CTNNA3: variants seen among roughly 807,000 people sequenced by gnomAD.
CTNNA3 encodes catenin alpha 3.
Under a neutral mutation model 95.7 loss-of-function variants are expected in CTNNA3, and 76 were observed. The ratio of observed to expected loss-of-function variants is 0.79; its 90% confidence interval spans 0.66 to 0.96. The LOEUF is 0.96. CTNNA3 is among the 40% of genes least tolerant of loss of function. The pLI, the probability that CTNNA3 is intolerant of heterozygous loss-of-function variation, is 0.00. For synonymous variants in CTNNA3, 431 were observed against 374.4 expected (o/e 1.15, Z -1.74); for missense variants, 1,191 against 1,089.8 (o/e 1.09, Z -1.31).
At chr10:67,587,863 G>T (rs78136384) in intron 3 of CTNNA3, among the ~76,000 whole-genome samples, 1 of 152,026 alleles carries the variant, frequency 6.6e-6, no homozygotes, top group Non-Finnish European at 1.5e-5. Context: ...GTTACTTTAT[G>T]TTGTGCCAAA....
intron 7 of CTNNA3, among the ~76,000 whole-genome samples, chr10:66,872,383 T>C (rs1844444005): frequency 6.6e-6 from 1 of 152,116 alleles, no homozygotes; most frequent in African/African-American, 2.4e-5. Flanking sequence ...AAAAAAATAA[T>C]TTTCGCTGGG....
intron 7 of CTNNA3, among the ~76,000 whole-genome samples, chr10:66,839,549 C>A (rs1032029205): frequency 2.6e-5 from 4 of 152,056 alleles, no homozygotes; most frequent in Non-Finnish European, 5.9e-5. Context: ...TTTATCTGTT[C>A]TATCTAGTCT....
chr10:67,447,512 A>G (rs745933641), intron 5 of CTNNA3, among the ~76,000 whole-genome samples: 1 of 152,126 alleles, frequency 6.6e-6, no homozygotes, highest in Non-Finnish European at 1.5e-5. Context: ...TTGTTCCTTC[A>G]AAGAAAAGCC....
At chr10:67,427,520 C>T (rs1412443279) in intron 5 of CTNNA3, among the ~76,000 whole-genome samples, 3 of 151,912 alleles carry the variant, frequency 2.0e-5, no homozygotes, top group East Asian at 3.9e-4. Context: ...ATATTACTGC[C>T]GAGAAAGCTC....
intron 6 of CTNNA3, among the ~76,000 whole-genome samples, chr10:67,188,103 T>C (rs866358541): frequency 1.3e-5 from 2 of 152,208 alleles, no homozygotes; most frequent in South Asian, 2.1e-4. Context: ...AATACGTAAC[T>C]ACAATGTGGA....
intron 5 of CTNNA3, among the ~76,000 whole-genome samples, chr10:67,224,753 T>C (rs1345464569): frequency 6.6e-6 from 1 of 151,990 alleles, no homozygotes; most frequent in Non-Finnish European, 1.5e-5. Context: ...CTGCCTGGCA[T>C]CACAGGGATC....
intron 11 of CTNNA3, among the ~76,000 whole-genome samples, chr10:66,480,493 T>C (rs1356750315): frequency 6.6e-6 from 1 of 152,164 alleles, no homozygotes; most frequent in Non-Finnish European, 1.5e-5. Context: ...TTTCGACAAA[T>C]AGGCACTGGA....
At chr10:67,734,780 A>G (rs1841293212) in intron 1 of CTNNA3, among the ~76,000 whole-genome samples, 1 of 152,190 alleles carries the variant, frequency 6.6e-6, no homozygotes, top group Non-Finnish European at 1.5e-5. Flanking sequence ...ATAATCAGAC[A>G]AGTCTTTAAA....
chr10:67,153,588 G>T (rs113466077), intron 7 of CTNNA3, among the ~76,000 whole-genome samples: 1 of 152,178 alleles, frequency 6.6e-6, no homozygotes, highest in African/African-American at 2.4e-5. Flanking sequence ...CGACAGCAGC[G>T]ATCTTTCTAA....
At position 67,456,828 on chromosome 10, in the gene CTNNA3, C is replaced by T. The variant is rs75191176; in HGVS notation, c.579+65014G>A. 4.3e-4 allele frequency among the ~76,000 whole-genome samples: 66 copies of T among 151,988 alleles called. 1 individual carries two copies. In the East Asian group the frequency reaches 0.013, roughly 29 times the overall value. ...GTCTAGTTCAGAAAACTTTTTAACCCGTAAAATAAAAGATGTTCACAGCAA... is the reference window on the plus strand; with the variant it reads ...GTCTAGTTCAGAAAACTTTTTAACCTGTAAAATAAAAGATGTTCACAGCAA... On this transcript the variant is annotated intron_variant, in intron 5 of 17. Transcript: ENST00000433211.
At chr10:66,115,590 TAGA>T (rs1564660795) in intron 13 of CTNNA3, among the ~76,000 whole-genome samples, 50 of 108,360 alleles carry the variant, frequency 4.6e-4, no homozygotes, top group African/African-American at 3.1e-3. Context: ...GATAGATAGA[TAGA>T]GATAGAGATA....
At chr10:66,158,352 T>A (rs1589589096) in intron 13 of CTNNA3, among the ~76,000 whole-genome samples, 1 of 152,240 alleles carries the variant, frequency 6.6e-6, no homozygotes, top group East Asian at 1.9e-4. Context: ...GAGGATCCAG[T>A]TTCATTCTCC....
intron 11 of CTNNA3, among the ~76,000 whole-genome samples, chr10:66,461,228 C>G (rs1397762140): frequency 6.6e-6 from 1 of 152,004 alleles, no homozygotes; most frequent in African/African-American, 2.4e-5. Flanking sequence ...CTGATAAAGA[C>G]TGAGCATTGT....
chr10:66,766,347 T>C lies in CTNNA3; in HGVS notation c.1198A>G (p.Ile400Val), dbSNP rs374015031. ...TCCCGGCCATTCTTAGCAGCTTCAA[T>C]GAGAACCAAAAGAGGGACTGTCGTA... ...LDTTVPLLVL[I>V]EAAKNGREKE... The change falls in exon 9 of 18, where the codon ATT (isoleucine) becomes GTT (valine). Residue 400 changes from isoleucine (I) to valine (V), a missense_variant. Transcript: ENST00000433211. 2.5e-6 allele frequency: 4 copies of C among 1,607,140 alleles called. No individual in the cohort carries two copies. The South Asian group carries it at 3.3e-5, about 13-fold the overall frequency.
intron 13 of CTNNA3, among the ~76,000 whole-genome samples, chr10:66,243,409 T>G (rs2090182813): frequency 6.6e-6 from 1 of 152,208 alleles, no homozygotes; most frequent in Admixed American, 6.5e-5. Flanking sequence ...ATCTGAAGCC[T>G]GCTACCTGGA....
intron 7 of CTNNA3, among the ~76,000 whole-genome samples, chr10:66,956,766 G>A (rs1848812103): frequency 6.6e-6 from 1 of 152,122 alleles, no homozygotes; most frequent in Admixed American, 6.6e-5. Context: ...AACTGAATTT[G>A]GCAAATCACA....
intron 13 of CTNNA3, among the ~76,000 whole-genome samples, chr10:66,168,285 C>T (rs1023974787): frequency 1.3e-5 from 2 of 152,144 alleles, no homozygotes; most frequent in Non-Finnish European, 2.9e-5. Context: ...CAGCTATAGG[C>T]AGGCAATGCC....
At position 66,834,199 on chromosome 10, in the gene CTNNA3, A is replaced by G. The variant is rs116398883; in HGVS notation, c.1048-58675T>C. 3.1e-3 allele frequency among the ~76,000 whole-genome samples: 468 copies of G among 152,304 alleles called. 3 individuals carry two copies. Among genetic ancestry groups the G allele is most frequent in the African/African-American group, 0.011 (444 of 41,572 alleles). On this transcript the variant is annotated intron_variant, in intron 7 of 17. Coordinates refer to ENST00000433211, the MANE Select transcript of CTNNA3 (RefSeq NM_013266.4). The stretch of plus-strand genomic sequence containing the variant: ...TTTTGTACCTATTATGTGTACTCAC[A>G]TACAATTGTCAGGTTAGCTATTAAG...
chr10:66,022,575 C>T (rs2079241484), intron 15 of CTNNA3, among the ~76,000 whole-genome samples: 1 of 151,512 alleles, frequency 6.6e-6, no homozygotes, highest in South Asian at 2.1e-4. Flanking sequence ...TTACCAGTAG[C>T]ATGACACCCA....
Sources: gnomAD v4.1 joint callset for allele counts (sites outside exome capture counted in the v4.1 genomes callset) on GRCh38, gnomAD v4.1.1 for gene constraint, MANE v1.5 for transcripts, NCBI Gene and HGNC (gene_info 2026-07-23, HGNC 2026-07-21) for gene names.